ZNF740: variants seen among roughly 807,000 people sequenced by gnomAD.
ZNF740 encodes oriLyt TD-element-binding protein 7.
ZNF740 carries 14 observed loss-of-function variants against 24.8 expected under a neutral mutation model. The observed-to-expected ratio is 0.56, with a 90% CI of 0.37 to 0.88. The LOEUF is 0.88. Ranked by LOEUF, ZNF740 falls within the 40% of genes least tolerant of loss-of-function variation. The pLI is 0.00. For missense variants in ZNF740, 201 were observed against 247.9 expected, an observed-to-expected ratio of 0.81 and a Z score of 1.27; for synonymous variants, 69 against 84.0, an observed-to-expected ratio of 0.82 and a Z score of 0.98.
At position 53,183,439 on chromosome 12, in the gene ZNF740, A is replaced by G. The variant is rs549057412; in HGVS notation, c.9+1447A>G. Among the ~76,000 whole-genome samples, 169 of 152,334 alleles carry G rather than the reference A, an allele frequency of 1.1e-3. 2 individuals carry two copies. The highest frequency in any genetic ancestry group is 1.8e-3 in the Non-Finnish European group (120 of 68,028). The stretch of plus-strand genomic sequence containing the variant: ...GGTCCCAGAACGTACTGATCATCTA[A>G]AAGGAATTTCTTCATAAATTTGTGA... On this transcript the variant is annotated intron_variant, in intron 2 of 6. Transcript: ENST00000416904.
Position 53,185,054 on chromosome 12 carries a change from G to A in ZNF740, c.159+14G>A, listed in dbSNP as rs752290303. On this transcript the variant is annotated intron_variant, in intron 3 of 6. Coordinates refer to ENST00000416904, the MANE Select transcript of ZNF740 (RefSeq NM_001004304.4). Reference sequence around the variant, plus strand: ...TGCTCGAGTCAGGTACAGCGCTTGAGTCCATTGTGGCACCTGGGGATCGGG... The same window carrying A: ...TGCTCGAGTCAGGTACAGCGCTTGAATCCATTGTGGCACCTGGGGATCGGG... 6.2e-7 allele frequency: 1 copy of A among 1,612,814 alleles called. No homozygotes were observed. The highest frequency in any genetic ancestry group is 8.5e-7 in the Non-Finnish European group (1 of 1,179,116).
chr12:53,191,202 G>A lies in ZNF740; in HGVS notation c.*3612G>A, dbSNP rs1030867943. The A allele has an allele frequency of 7.0e-5, 21 of 298,190 alleles. No homozygotes were observed. Among genetic ancestry groups the A allele is most frequent in the South Asian group, 3.2e-4 (9 of 28,090 alleles). The allele number at this position is 298,190 out of a possible 1,614,324, so 18.5% of individuals were successfully genotyped here. On this transcript the variant is annotated 3_prime_UTR_variant, in exon 7 of 7. Transcript: ENST00000416904. ...CCCCGGGAGTTTCCTGCACATTCGC[G>A]CTTGGGCACCTCTCCCTGCCCTCAG...
chr12:53,191,454 A>C lies in ZNF740; in HGVS notation c.*3864A>C, dbSNP rs1438075824. On this transcript the variant is annotated 3_prime_UTR_variant, in exon 7 of 7. Transcript: ENST00000416904. ...GGTGGTGGCCGCACCTCGCCAGTGA[A>C]TTAGTCCCCTACCAAGGTCTTACAG... is the stretch of plus-strand genomic sequence containing the variant. 1.1e-6 allele frequency: 1 copy of C among 922,546 alleles called. No homozygotes were observed. The highest frequency in any genetic ancestry group is 1.8e-6 in the Non-Finnish European group (1 of 554,688). The allele number at this position is 922,546 out of a possible 1,614,324, so 57.1% of individuals were successfully genotyped here. A position where few individuals can be genotyped will look rare whatever the true frequency, so the allele number is the denominator to read the frequency against.
rs758311786 is a variant in ZNF740, at chr12:53,189,385, T to G, written c.*1795T>G. On this transcript the variant is annotated 3_prime_UTR_variant, in exon 7 of 7. Coordinates refer to ENST00000416904, the MANE Select transcript of ZNF740 (RefSeq NM_001004304.4). Reference sequence around the variant, plus strand: ...CTGAGATGGGAAACTCCTGAAAGTATGATTTCATTTCCCAGAAAATGTAAA... The same window carrying G: ...CTGAGATGGGAAACTCCTGAAAGTAGGATTTCATTTCCCAGAAAATGTAAA... The G allele has an allele frequency of 6.6e-6, 1 of 151,432 alleles. No homozygotes were observed. The highest frequency in any genetic ancestry group is 2.4e-5 in the African/African-American group (1 of 41,136). 9.4% of individuals were successfully genotyped at this position (151,432 alleles called of 1,614,324 possible). A position where few individuals can be genotyped will look rare whatever the true frequency, so the allele number is the denominator to read the frequency against.
Position 53,185,002 on chromosome 12 carries a change from C to T in ZNF740, c.121C>T (p.Arg41Trp), listed in dbSNP as rs774644971. The change falls in exon 3 of 7, where the codon CGG (arginine) becomes TGG (tryptophan). Residue 41 changes from arginine (R) to tryptophan (W), a missense_variant. By Grantham distance (101) the Arg-to-Trp change is moderately radical (BLOSUM62 -3). Transcript: ENST00000416904. ...IASKQAENGE[R>W]AGSPDVLRCS... ...CAGCAAGCAGGCCGAGAATGGCGAG[C>T]GGGCAGGTAGCCCTGATGTGCTGAG... 8 of 1,613,994 alleles carry T rather than the reference C, an allele frequency of 5.0e-6. No homozygotes were observed. The highest frequency in any genetic ancestry group is 4.5e-5 in the East Asian group (2 of 44,892).
intron 4 of ZNF740, among the ~76,000 whole-genome samples, 155 bp downstream of exon 4, chr12:53,185,631 T>C (rs560636722): frequency 6.4e-4 from 97 of 152,336 alleles, no homozygotes; most frequent in Non-Finnish European, 1.1e-3. Flanking sequence ...AGAGACTACC[T>C]TGGTAGTTGA....
chr12:53,182,838 T>A (rs1216953039), intron 2 of ZNF740, among the ~76,000 whole-genome samples: 1 of 152,184 alleles, frequency 6.6e-6, no homozygotes, highest in African/African-American at 2.4e-5. Context: ...TATGCCTCGC[T>A]AAGTTAAGCA....
intron 1 of ZNF740, 63 bp downstream of exon 1, chr12:53,180,900 C>T: frequency 8.9e-7 from 1 of 1,126,916 alleles, no homozygotes; most frequent in Non-Finnish European, 1.1e-6. Context: ...CAGTAGCTCG[C>T]AAGCCGTGGG....
Position 53,191,999 on chromosome 12 carries a change from C to T in ZNF740, c.*4409C>T. The T allele has an allele frequency of 6.2e-7, 1 of 1,612,958 alleles. No homozygotes were observed. The highest frequency in any genetic ancestry group is 8.5e-7 in the Non-Finnish European group (1 of 1,179,868). On this transcript the variant is annotated 3_prime_UTR_variant, in exon 7 of 7. Coordinates refer to ENST00000416904, the MANE Select transcript of ZNF740 (RefSeq NM_001004304.4). ...CCCCCTACGCAGCCCAGCACAATGGCCTGCGTGTGGTCTGCTCCCTCTGTG... is the reference window on the plus strand; with the variant it reads ...CCCCCTACGCAGCCCAGCACAATGGTCTGCGTGTGGTCTGCTCCCTCTGTG...
rs1441009118 is a variant in ZNF740, at chr12:53,193,808, C to T, written c.*6218C>T. The T allele has an allele frequency of 3.7e-6, 6 of 1,614,112 alleles. No individual in the cohort carries two copies. Among genetic ancestry groups the T allele is most frequent in the Non-Finnish European group, 5.1e-6 (6 of 1,180,016 alleles). ...CAGTCACACAGCGTGTGCAACTCCA[C>T]AATCAGCTCCTCTGAGAAGCCAAGG... On this transcript the variant is annotated 3_prime_UTR_variant, in exon 7 of 7. Coordinates refer to ENST00000416904, the MANE Select transcript of ZNF740 (RefSeq NM_001004304.4).
rs781632104 is a variant in ZNF740 at position 53,191,901 on chromosome 12, G to C, written c.*4311G>C. 6.2e-7 allele frequency: 1 copy of C among 1,612,628 alleles called. No individual in the cohort carries two copies. The highest frequency in any genetic ancestry group is 2.2e-5 in the East Asian group (1 of 44,874). ...GTTGCTGCTCCTTCTCAAAGCGACT[G>C]TATTCCCGGCGGTCATAGATTTCCA... On this transcript the variant is annotated 3_prime_UTR_variant, in exon 7 of 7. Transcript: ENST00000416904.
In ZNF740 at chr12:53,181,622, G is replaced by A; in HGVS notation, c.-307-55G>A. 3 of 501,530 alleles carry A rather than the reference G, an allele frequency of 6.0e-6. No individual in the cohort carries two copies. In the South Asian group the frequency reaches 1.7e-4, roughly 29 times the overall value. 31.1% of individuals were successfully genotyped at this position (501,530 alleles called of 1,614,324 possible). ...AAAAAAAAAATTCATATCGCACGTT[G>A]TAATGGCCTGAAGATGTTGCATTTA... On this transcript the variant is annotated intron_variant, in intron 1 of 6. Transcript: ENST00000416904.
chr12:53,193,445 C>G lies in ZNF740; in HGVS notation c.*5855C>G. The G allele has an allele frequency of 9.6e-7, 1 of 1,037,892 alleles. No individual in the cohort carries two copies. Among genetic ancestry groups the G allele is most frequent in the Non-Finnish European group, 1.4e-6 (1 of 727,710 alleles). 64.3% of individuals were successfully genotyped at this position (1,037,892 alleles called of 1,614,324 possible). ...TGTCTCTCCCAGGAACCTCTAAACC[C>G]AAGTTCTCAAAAGAGTTGGAGACAG... On this transcript the variant is annotated 3_prime_UTR_variant, in exon 7 of 7. Coordinates refer to ENST00000416904, the MANE Select transcript of ZNF740 (RefSeq NM_001004304.4).
At position 53,190,415 on chromosome 12, in the gene ZNF740, G is replaced by A. The variant is rs1941909653; in HGVS notation, c.*2825G>A. The A allele has an allele frequency of 1.3e-5, 2 of 152,838 alleles. No individual in the cohort carries two copies. The highest frequency in any genetic ancestry group is 3.9e-4 in the East Asian group (2 of 5,188). 9.5% of individuals were successfully genotyped at this position (152,838 alleles called of 1,614,324 possible). ...GAGTCAGGGAACCTGGGAAAGAGTAGTGCCAGTTCCGGGTAGGCTGCTGCA... is the reference window on the plus strand; with the variant it reads ...GAGTCAGGGAACCTGGGAAAGAGTAATGCCAGTTCCGGGTAGGCTGCTGCA... On this transcript the variant is annotated 3_prime_UTR_variant, in exon 7 of 7. Transcript: ENST00000416904.
Position 53,192,334 on chromosome 12 carries a change from T to C in ZNF740, c.*4744T>C. ...GTGGCATCCCTGCCCACTTACTTTCTTGGGGTCTCACTCTGAGCACGACCG... is the reference window on the plus strand; with the variant it reads ...GTGGCATCCCTGCCCACTTACTTTCCTGGGGTCTCACTCTGAGCACGACCG... On this transcript the variant is annotated 3_prime_UTR_variant, in exon 7 of 7. Transcript: ENST00000416904. 6.2e-7 allele frequency: 1 copy of C among 1,614,046 alleles called. No individual in the cohort carries two copies.
rs755135151 is a variant in ZNF740, at chr12:53,191,911, C to T, written c.*4321C>T. Reference sequence around the variant, plus strand: ...CTTCTCAAAGCGACTGTATTCCCGGCGGTCATAGATTTCCACCGAGAGCCG... The same window carrying T: ...CTTCTCAAAGCGACTGTATTCCCGGTGGTCATAGATTTCCACCGAGAGCCG... On this transcript the variant is annotated 3_prime_UTR_variant, in exon 7 of 7. Coordinates refer to ENST00000416904, the MANE Select transcript of ZNF740 (RefSeq NM_001004304.4). 13 of 1,610,782 alleles carry T rather than the reference C, an allele frequency of 8.1e-6. No homozygotes were observed. In the East Asian group the frequency reaches 8.9e-5, roughly 11 times the overall value.
At chr12:53,185,313 G>T in intron 3 of ZNF740, 74 bp from the exon 4 acceptor site, 1 of 1,493,392 alleles carries the variant, frequency 6.7e-7, no homozygotes, top group Non-Finnish European at 9.2e-7. Context: ...TATGAATTTT[G>T]TCTGAGAGCT....
Position 53,193,225 on chromosome 12 carries a change from G to A in ZNF740, c.*5635G>A. ...CAGAGCTCTGTCCACTGCAGCTGCA[G>A]CGTCCACATTGACAGTGACCCTTTC... is the stretch of plus-strand genomic sequence containing the variant. On this transcript the variant is annotated 3_prime_UTR_variant, in exon 7 of 7. Coordinates refer to ENST00000416904, the MANE Select transcript of ZNF740 (RefSeq NM_001004304.4). 3 of 1,614,180 alleles carry A rather than the reference G, an allele frequency of 1.9e-6. No homozygotes were observed. The highest frequency in any genetic ancestry group is 1.3e-5 in the African/African-American group (1 of 75,038).
rs1941918520 is a variant in ZNF740 at position 53,190,752 on chromosome 12, G to A, written c.*3162G>A. On this transcript the variant is annotated 3_prime_UTR_variant, in exon 7 of 7. Coordinates refer to ENST00000416904, the MANE Select transcript of ZNF740 (RefSeq NM_001004304.4). The stretch of plus-strand genomic sequence containing the variant: ...AAATGGACAAGATCACTTTTAAATG[G>A]TAGTTTTTATAAGATGTTATAAACT... 6.6e-6 allele frequency: 1 copy of A among 151,378 alleles called. No individual in the cohort carries two copies. The highest frequency in any genetic ancestry group is 2.4e-5 in the African/African-American group (1 of 41,088). 9.4% of individuals were successfully genotyped at this position (151,378 alleles called of 1,614,324 possible). A position where few individuals can be genotyped will look rare whatever the true frequency, so the allele number is the denominator to read the frequency against.
Sources: gnomAD v4.1 joint callset for allele counts (sites outside exome capture counted in the v4.1 genomes callset) on GRCh38, gnomAD v4.1.1 for gene constraint, MANE v1.5 for transcripts, NCBI Gene and HGNC (gene_info 2026-07-23, HGNC 2026-07-21) for gene names.